ANGPT1: variants seen among roughly 807,000 people sequenced by gnomAD.
ANGPT1 encodes angiopoietin 1, also known as angiopoietin-1.
A neutral mutation model predicts 62.2 loss-of-function variants in ANGPT1; 17 were observed. That is an observed-to-expected ratio of 0.27 (90% CI 0.19 to 0.41). ANGPT1 has a LOEUF of 0.41. Ranked by LOEUF, ANGPT1 falls within the 10% of genes least tolerant of loss-of-function variation. ANGPT1 has a pLI of 1.00. For missense variants in ANGPT1, 478 were observed against 594.9 expected (o/e 0.80, Z 2.04); for synonymous variants, 199 against 198.9 (o/e 1.00, Z 0.00).
chr8:107,481,623 A>G (rs1003178148), intron 1 of ANGPT1, among the ~76,000 whole-genome samples: 1 of 151,916 alleles, frequency 6.6e-6, no homozygotes, highest in Non-Finnish European at 1.5e-5. Context: ...ATGAAGAAAT[A>G]CCCGAAACTG....
chr8:107,354,405 A>G (rs188859475), intron 1 of ANGPT1, among the ~76,000 whole-genome samples: 69 of 152,240 alleles, frequency 4.5e-4, no homozygotes, highest in African/African-American at 1.6e-3. Context: ...ATTTGGAGAA[A>G]TCACTTAAAC....
chr8:107,256,137 A>G (rs1461575774), intron 8 of ANGPT1, among the ~76,000 whole-genome samples: 1 of 152,196 alleles, frequency 6.6e-6, no homozygotes, highest in African/African-American at 2.4e-5. Context: ...TCTGTGATCT[A>G]TCTCAGAGCA....
intron 5 of ANGPT1, among the ~76,000 whole-genome samples, chr8:107,302,743 T>G (rs4133395): frequency 0.42 from 63,102 of 151,782 alleles, 13,477 homozygotes; most frequent in African/African-American, 0.49. Flanking sequence ...CACTCTTTTA[T>G]GTAAATATGG....
At chr8:107,299,933 T>G (rs1222546239) in intron 5 of ANGPT1, among the ~76,000 whole-genome samples, 1 of 134,396 alleles carries the variant, frequency 7.4e-6, no homozygotes, top group Non-Finnish European at 1.6e-5. Flanking sequence ...TCTAGATATG[T>G]AGTTATATCT....
At chr8:107,434,915 C>T (rs1463336127) in intron 1 of ANGPT1, among the ~76,000 whole-genome samples, 1 of 152,156 alleles carries the variant, frequency 6.6e-6, no homozygotes, top group African/African-American at 2.4e-5. Context: ...CAGTCAAATT[C>T]ATTCAAAAAT....
chr8:107,462,376 T>C (rs1352746158), intron 1 of ANGPT1, among the ~76,000 whole-genome samples: 1 of 149,914 alleles, frequency 6.7e-6, no homozygotes, highest in Non-Finnish European at 1.5e-5. Context: ...CAATATGAAC[T>C]AGACAATTTG....
intron 1 of ANGPT1, among the ~76,000 whole-genome samples, chr8:107,370,110 C>A (rs1301727798): frequency 1.4e-5 from 2 of 147,772 alleles, no homozygotes; most frequent in Non-Finnish European, 3.0e-5. Flanking sequence ...GTGTTCCAGC[C>A]TGGGCAACAG....
At chr8:107,381,726 C>A (rs2130276335) in intron 1 of ANGPT1, among the ~76,000 whole-genome samples, 1 of 152,256 alleles carries the variant, frequency 6.6e-6, no homozygotes, top group East Asian at 1.9e-4. Flanking sequence ...TTTTCCATGT[C>A]AGAAAGGATC....
At chr8:107,367,842 C>T (rs1265776407) in intron 1 of ANGPT1, among the ~76,000 whole-genome samples, 4 of 152,206 alleles carry the variant, frequency 2.6e-5, no homozygotes, top group Admixed American at 2.0e-4. Context: ...CAACTTCAAG[C>T]TCCACTTCTA....
chr8:107,366,360 ACAC>A (rs1196768334), intron 1 of ANGPT1, among the ~76,000 whole-genome samples: 1 of 152,222 alleles, frequency 6.6e-6, no homozygotes, highest in Non-Finnish European at 1.5e-5. Context: ...TTATCATATT[ACAC>A]CACCAAAAAG....
intron 5 of ANGPT1, 200 bp from the exon 6 acceptor site, chr8:107,294,237 C>A: frequency 2.4e-6 from 1 of 410,762 alleles, no homozygotes. Context: ...TGATTAAATT[C>A]CATCAATGAT....
chr8:107,382,224 G>C (rs1017627868), intron 1 of ANGPT1, among the ~76,000 whole-genome samples: 9 of 152,098 alleles, frequency 5.9e-5, no homozygotes, highest in African/African-American at 2.2e-4. Flanking sequence ...GGAGAAATAT[G>C]AGAAAAATTT....
chr8:107,349,975 C>A (rs1815898341), intron 1 of ANGPT1, among the ~76,000 whole-genome samples: 1 of 152,074 alleles, frequency 6.6e-6, no homozygotes, highest in African/African-American at 2.4e-5. Flanking sequence ...GTCCATAGAA[C>A]AACTGCCTGT....
chr8:107,441,020 T>C (rs1186127016), intron 1 of ANGPT1, among the ~76,000 whole-genome samples: 5 of 151,922 alleles, frequency 3.3e-5, no homozygotes, highest in Non-Finnish European at 7.4e-5. Flanking sequence ...CAGGTTTCAG[T>C]TGTTTATTTA....
chr8:107,467,403 GTACAATTT>G lies in ANGPT1; in HGVS notation c.297+29851_297+29858del, dbSNP rs1486469903. On this transcript the variant is annotated intron_variant, in intron 1 of 8. Coordinates refer to ENST00000517746, the MANE Select transcript of ANGPT1 (RefSeq NM_001146.5). The stretch of plus-strand genomic sequence containing the variant: ...GCTTGAACAATGAGCCCACCAAAAC[GTACAATTT>G]AATATAGATAAATTGAAAGATCTAC... Among the ~76,000 whole-genome samples the G allele has an allele frequency of 4.6e-5, 7 of 151,842 alleles. No homozygotes were observed. In the East Asian group the frequency reaches 1.4e-3, roughly 29 times the overall value.
intron 1 of ANGPT1, among the ~76,000 whole-genome samples, chr8:107,392,999 C>A (rs1816864622): frequency 6.6e-6 from 1 of 152,008 alleles, no homozygotes; most frequent in Admixed American, 6.6e-5. Context: ...CAGCAGATTC[C>A]ATCTTTTTAA....
At chr8:107,370,375 A>T (rs1156487097) in intron 1 of ANGPT1, among the ~76,000 whole-genome samples, 2 of 49,160 alleles carry the variant, frequency 4.1e-5, no homozygotes, top group African/African-American at 9.1e-5. Context: ...AAAGAAAGAA[A>T]GAAAGAAAGA....
chr8:107,270,982 G>T (rs1813720669), intron 7 of ANGPT1, among the ~76,000 whole-genome samples: 3 of 151,880 alleles, frequency 2.0e-5, no homozygotes, highest in Admixed American at 2.0e-4. Context: ...TACAGATCAA[G>T]CAGATACAGG....
rs61610082 is a variant in ANGPT1, at chr8:107,469,382, G to A, written c.297+27880C>T. Among the ~76,000 whole-genome samples the A allele has an allele frequency of 2.7e-3, 406 of 152,118 alleles. 2 individuals carry two copies. The highest frequency in any genetic ancestry group is 9.4e-3 in the African/African-American group (389 of 41,534). ...ATACATCCATTAGGGTAGAAATGAT[G>A]TTTGTTTGTGCTCACCTTTGTCTCT... On this transcript the variant is annotated intron_variant, in intron 1 of 8. Transcript: ENST00000517746.
Sources: gnomAD v4.1 joint callset for allele counts (sites outside exome capture counted in the v4.1 genomes callset) on GRCh38, gnomAD v4.1.1 for gene constraint, MANE v1.5 for transcripts, NCBI Gene and HGNC (gene_info 2026-07-23, HGNC 2026-07-21) for gene names.